The following IDUA variants were observed in gnomAD, a reference collection of about 807,000 sequenced individuals.
IDUA encodes the protein iduronidase alpha-L-.
IDUA carries 65 observed loss-of-function variants against 68.9 expected under a neutral mutation model. That is an observed-to-expected ratio of 0.94 (90% CI 0.77 to 1.16). The LOEUF is 1.16. IDUA is among the 50% of genes most tolerant of loss of function. IDUA has a pLI of 0.00. For missense variants in IDUA, 1,046 were observed against 938.0 expected, an observed-to-expected ratio of 1.12 and a Z score of -1.50; for synonymous variants, 529 against 433.6, an observed-to-expected ratio of 1.22 and a Z score of -2.73.
In IDUA at chr4:987,197, G is replaced by A. The variant is rs985077475; in HGVS notation, c.113G>A (p.Arg38His). Residue 38 changes from arginine (R) to histidine (H), a missense_variant, in exon 1 of 14, where the codon CGC (arginine) becomes CAC (histidine). Coordinates refer to ENST00000514224, the MANE Select transcript of IDUA (RefSeq NM_000203.5). ...CACCTGGTGCATGTGGACGCGGCCCGCGCGCTGTGGCCCCTGCGGCGCTTC... is the reference window on the plus strand; with the variant it reads ...CACCTGGTGCATGTGGACGCGGCCCACGCGCTGTGGCCCCTGCGGCGCTTC... The part of the protein sequence containing the change: ...APHLVHVDAA[R>H]ALWPLRRFWR... 2 of 1,477,416 alleles carry A rather than the reference G, an allele frequency of 1.4e-6. No homozygotes were observed. Among genetic ancestry groups the A allele is most frequent in the African/African-American group, 2.9e-5 (2 of 68,310 alleles). The allele number at this position is 1,477,416 out of a possible 1,614,324, so 91.5% of individuals were successfully genotyped here.
chr4:1,001,325 C>T (rs892606351), intron 4 of IDUA, 143 bp from the exon 5 acceptor site: 4 of 803,250 alleles, frequency 5.0e-6, no homozygotes, highest in Non-Finnish European at 8.7e-6. Flanking sequence ...CCAGCGCTTC[C>T]TGATGTGGGG....
At position 987,586 on chromosome 4, in the gene IDUA, G is replaced by A. The variant is rs1422249386; in HGVS notation, c.159-223G>A. ...GGTACCCGCCTTCCTGGCAGGGCCAGGGCCAGGGCTGGCGTTGGCCCCTCG... is the reference window on the plus strand; with the variant it reads ...GGTACCCGCCTTCCTGGCAGGGCCAAGGCCAGGGCTGGCGTTGGCCCCTCG... On this transcript the variant is annotated intron_variant, in intron 1 of 13. Transcript: ENST00000514224. The A allele has an allele frequency of 3.6e-6, 5 of 1,400,766 alleles. No homozygotes were observed. In the East Asian group the frequency reaches 1.3e-4, roughly 36 times the overall value. 86.8% of individuals were successfully genotyped at this position (1,400,766 alleles called of 1,614,324 possible). A position where few individuals can be genotyped will look rare whatever the true frequency, so the allele number is the denominator to read the frequency against.
rs1386109118 is a variant in IDUA at position 1,002,931 on chromosome 4, GC to G, written c.1395del (p.Gly466AlafsTer59). 1.5e-5 allele frequency: 21 copies of G among 1,359,266 alleles called. No individual in the cohort carries two copies. The highest frequency in any genetic ancestry group is 4.0e-5 in the Admixed American group (1 of 25,172). The allele number at this position is 1,359,266 out of a possible 1,614,324, so 84.2% of individuals were successfully genotyped here. On this transcript the variant is annotated frameshift_variant, in exon 9 of 14. Coordinates refer to ENST00000514224, the MANE Select transcript of IDUA (RefSeq NM_000203.5). LOFTEE classifies it high-confidence loss of function. ...CGGTGACCCTGCGGCTGCGCGGGGT[GC>G]CCCCCGGCCCGGGTAAGCCGGGGTT... ...VAVTLRLRGV[P>X]PGPGLVYVTR...
chr4:1,000,454 G>A (rs952851295), intron 2 of IDUA, among the ~76,000 whole-genome samples, 158 bp from the exon 3 acceptor site: 1 of 152,246 alleles, frequency 6.6e-6, no homozygotes, highest in Non-Finnish European at 1.5e-5. Flanking sequence ...GCCTTCATAG[G>A]GTTATTTTCC....
intron 2 of IDUA, among the ~76,000 whole-genome samples, chr4:995,441 G>A (rs1714690886): frequency 6.6e-6 from 1 of 152,198 alleles, no homozygotes. Context: ...GGGCACCTGT[G>A]GCCGGAGGGT....
In IDUA at chr4:1,003,613, A is replaced by G. The variant is rs757379402; in HGVS notation, c.1715A>G (p.His572Arg). 3.7e-6 allele frequency: 6 copies of G among 1,612,254 alleles called. No homozygotes were observed. The East Asian group carries it at 1.1e-4, about 30-fold the overall frequency. Reference protein sequence around the residue: ...GQLVLVWSDEHVGSKCLWTYE... With the variant: ...GQLVLVWSDERVGSKCLWTYE... ...CTGGTTCTGGTCTGGTCGGATGAAC[A>G]CGTGGGCTCCAAGTGCGTGAGTGGG... Residue 572 changes from histidine (H) to arginine (R), a missense_variant, in exon 12 of 14, where the codon CAC (histidine) becomes CGC (arginine). Physicochemically the swap from His to Arg is conservative, Grantham distance 29. Coordinates refer to ENST00000514224, the MANE Select transcript of IDUA (RefSeq NM_000203.5).
At chr4:989,686 A>C in intron 2 of IDUA, 1 of 1,564,496 alleles carries the variant, frequency 6.4e-7, no homozygotes, top group Non-Finnish European at 8.7e-7. Context: ...GGTGGCGCTG[A>C]CCACGCTGGA....
At chr4:998,885 C>T (rs926967047) in intron 2 of IDUA, among the ~76,000 whole-genome samples, 2 of 151,104 alleles carry the variant, frequency 1.3e-5, no homozygotes, top group South Asian at 4.2e-4. Context: ...CTCTGGGCAA[C>T]CCCCATGGCC....
Position 1,004,176 on chromosome 4 carries a change from G to C in IDUA, c.1828+64G>C. ...ATTCTTGGGCCTCAGGGCAGTACTG[G>C]GTGGGGGCCTCGAGAAGCCTGGGGT... On this transcript the variant is annotated intron_variant, in intron 13 of 13. Transcript: ENST00000514224. The surrounding 1 kb of genome is among the most constrained non-coding windows in gnomAD (Gnocchi z 5.0). 1 of 1,611,734 alleles carries C rather than the reference G, an allele frequency of 6.2e-7. No individual in the cohort carries two copies. Among genetic ancestry groups the C allele is most frequent in the Non-Finnish European group, 8.5e-7 (1 of 1,179,384 alleles).
At chr4:994,380 A>C (rs1036669906) in intron 2 of IDUA, among the ~76,000 whole-genome samples, 2 of 151,054 alleles carry the variant, frequency 1.3e-5, no homozygotes, top group Non-Finnish European at 2.9e-5. Context: ...GGTTCACGCC[A>C]TTCTCCTGCC....
chr4:990,500 A>C, intron 2 of IDUA: 1 of 823,384 alleles, frequency 1.2e-6, no homozygotes, highest in Non-Finnish European at 1.9e-6. Context: ...TGTGTTCCAA[A>C]CCAGACTCCT....
chr4:987,299 C>G (rs891926420), intron 1 of IDUA, 57 bp downstream of exon 1: 2 of 1,452,504 alleles, frequency 1.4e-6, no homozygotes, highest in Non-Finnish European at 9.2e-7. Flanking sequence ...CTCGGGCGCC[C>G]CCTGACTGCG....
intron 4 of IDUA, 118 bp downstream of exon 4, chr4:1,001,107 C>A: frequency 1.3e-6 from 1 of 758,624 alleles, no homozygotes; most frequent in East Asian, 2.6e-5. Flanking sequence ...AGGCGCAGGC[C>A]CTTGTGGGGG....
chr4:1,002,307 C>T lies in IDUA; in HGVS notation c.1011C>T (p.Thr337=), dbSNP rs142464969. Residue 337 remains threonine (T), a synonymous_variant, in exon 8 of 14, where the codon ACC becomes ACT. Coordinates refer to ENST00000514224, the MANE Select transcript of IDUA (RefSeq NM_000203.5). The part of the protein sequence containing the change: ...AQHQNLLLAN[T]TSAFPYALLS... ...ATCAGAACCTGCTACTGGCCAACAC[C>T]ACCTCCGCCTTCCCCTACGCGCTCC... The T allele has an allele frequency of 3.7e-6, 6 of 1,612,976 alleles. No individual in the cohort carries two copies. Among genetic ancestry groups the T allele is most frequent in the Non-Finnish European group, 2.5e-6 (3 of 1,179,644 alleles).
chr4:991,317 A>G (rs1376501038), intron 2 of IDUA: 2 of 1,612,820 alleles, frequency 1.2e-6, no homozygotes, highest in Admixed American at 1.7e-5. Context: ...CCATGAGGCA[A>G]AGCAGGCTGA....
chr4:991,697 C>G, intron 2 of IDUA: 1 of 1,535,024 alleles, frequency 6.5e-7, no homozygotes, highest in Non-Finnish European at 8.7e-7. Flanking sequence ...TCAGGGGACT[C>G]GTCCATCCTG....
chr4:987,182 AT>A lies in IDUA; in HGVS notation c.99del (p.His33GlnfsTer75). ...VAPAEAPHLV[H>X]VDAARALWPL... ...CCGGCCGAGGCCCCGCACCTGGTGC[AT>A]GTGGACGCGGCCCGCGCGCTGTGGC... On this transcript the variant is annotated frameshift_variant, in exon 1 of 14. Coordinates refer to ENST00000514224, the MANE Select transcript of IDUA (RefSeq NM_000203.5). LOFTEE classifies it high-confidence loss of function. 2 of 1,471,268 alleles carry A rather than the reference AT, an allele frequency of 1.4e-6. No homozygotes were observed. Among genetic ancestry groups the A allele is most frequent in the Non-Finnish European group, 1.8e-6 (2 of 1,117,632 alleles). The allele number at this position is 1,471,268 out of a possible 1,614,324, so 91.1% of individuals were successfully genotyped here. A position where few individuals can be genotyped will look rare whatever the true frequency, so the allele number is the denominator to read the frequency against.
intron 2 of IDUA, chr4:993,555 G>T (rs3822030): frequency 0.48 from 73,126 of 152,180 alleles, 19,623 homozygotes; most frequent in South Asian, 0.68. Context: ...GGGCTTGTAG[G>T]AGTTAGAGCT....
At position 1,002,818 on chromosome 4, in the gene IDUA, C is replaced by A. The variant is rs1414957958; in HGVS notation, c.1276C>A (p.Arg426Ser). 6.9e-7 allele frequency: 1 copy of A among 1,458,006 alleles called. No individual in the cohort carries two copies. The highest frequency in any genetic ancestry group is 2.4e-4 in the Middle Eastern group (1 of 4,206). 90.3% of individuals were successfully genotyped at this position (1,458,006 alleles called of 1,614,324 possible). The change falls in exon 9 of 14, where the codon CGC becomes AGC. Residue 426 changes from arginine (R) to serine (S), a missense_variant. Transcript: ENST00000514224. ...GGTGGGCGTCCTGGCCAGCGCCCAC[C>A]GCCCCCAGGGCCCGGCCGACGCCTG... Reference protein sequence around the residue: ...HTVGVLASAHRPQGPADAWRA... With the variant: ...HTVGVLASAHSPQGPADAWRA...
Sources: gnomAD v4.1 joint callset for allele counts (sites outside exome capture counted in the v4.1 genomes callset) on GRCh38, gnomAD v4.1.1 for gene constraint, Gnocchi (gnomAD v3.1) non-coding constraint, MANE v1.5 for transcripts, NCBI Gene and HGNC (gene_info 2026-07-23, HGNC 2026-07-21) for gene names.